Variants in PEX11B observed in about 807,000 individuals in gnomAD.
PEX11B encodes the protein peroxisomal biogenesis factor 11 beta, also known as peroxisomal membrane protein 11B.
PEX11B carries 18 observed loss-of-function variants against 28.2 expected under a neutral mutation model. The ratio of observed to expected loss-of-function variants is 0.64; its 90% CI spans 0.44 to 0.95. The LOEUF (loss-of-function observed/expected upper bound fraction) is 0.95, where lower values mean the gene tolerates loss of function less well. Among genes scored for constraint, PEX11B ranks in the 40% least tolerant of loss-of-function variants. The pLI, the probability that PEX11B is intolerant of heterozygous loss-of-function variation, is 0.00. For synonymous variants in PEX11B, 128 were observed against 128.7 expected (o/e 0.99, Z 0.04); for missense variants, 305 against 319.8 (o/e 0.95, Z 0.35).
In PEX11B at chr1:145,911,900, C is replaced by G; in HGVS notation, c.*261G>C. On this transcript the variant is annotated 3_prime_UTR_variant, in exon 4 of 4. Transcript: ENST00000369306. Reference sequence around the variant, plus strand: ...GAACCTTAAACAGAGTTAAGAGACACAAAGTAAATATATTCAAGAGAGACA... The same window carrying G: ...GAACCTTAAACAGAGTTAAGAGACAGAAAGTAAATATATTCAAGAGAGACA... 3.2e-6 allele frequency: 1 copy of G among 316,310 alleles called. No individual in the cohort carries two copies. The highest frequency in any genetic ancestry group is 5.8e-6 in the Non-Finnish European group (1 of 173,796). The allele number at this position is 316,310 out of a possible 1,614,324, so 19.6% of individuals were successfully genotyped here. A position where few individuals can be genotyped will look rare whatever the true frequency, so the allele number is the denominator to read the frequency against.
At chr1:145,918,243 G>A in intron 1 of PEX11B, 1 of 985,452 alleles carries the variant, frequency 1.0e-6, no homozygotes, top group Admixed American at 6.1e-5. Context: ...CGGAGGCAGG[G>A]GAGTTCCCGA....
chr1:145,911,354 T>C lies in PEX11B; in HGVS notation c.*807A>G, dbSNP rs1341019875. 2.0e-5 allele frequency: 3 copies of C among 152,300 alleles called. No individual in the cohort carries two copies. The highest frequency in any genetic ancestry group is 6.5e-5 in the Admixed American group (1 of 15,286). The allele number at this position is 152,300 out of a possible 1,614,324, so 9.4% of individuals were successfully genotyped here. A position where few individuals can be genotyped will look rare whatever the true frequency, so the allele number is the denominator to read the frequency against. On this transcript the variant is annotated 3_prime_UTR_variant, in exon 4 of 4. Transcript: ENST00000369306. ...AATGAGGGACCAGACCAAATGTCGA[T>C]GAGCAAACTGAACTTTAATTTGCTT...
rs201619050 is a variant in PEX11B, at chr1:145,914,383, A to AC, written c.375-1818_375-1817insG. Reference sequence around the variant, plus strand: ...AGCAAGACTCCATCTCAAAAAAAAAAAAAACCAAAAACAAATAAACAAACC... The same window carrying AC: ...AGCAAGACTCCATCTCAAAAAAAAAACAAAACCAAAAACAAATAAACAAACC... On this transcript the variant is annotated intron_variant, in intron 3 of 3. Coordinates refer to ENST00000369306, the MANE Select transcript of PEX11B (RefSeq NM_003846.3). Among the ~76,000 whole-genome samples, 315 of 151,888 alleles carry AC rather than the reference A, an allele frequency of 2.1e-3. 4 individuals carry two copies. The highest frequency in any genetic ancestry group is 7.4e-3 in the African/African-American group (305 of 41,398).
intron 2 of PEX11B, 96 bp from the exon 3 acceptor site, chr1:145,917,114 A>C (rs782434294): frequency 1.4e-5 from 11 of 804,936 alleles, no homozygotes; most frequent in Non-Finnish European, 2.2e-5. Flanking sequence ...AAAGTTGAGC[A>C]ATAATAATGA....
chr1:145,915,482 A>C (rs1255252987), intron 3 of PEX11B, among the ~76,000 whole-genome samples: 5 of 152,126 alleles, frequency 3.3e-5, no homozygotes, highest in African/African-American at 1.2e-4. Context: ...CAATACAGAT[A>C]ATATGTTAGA....
intron 3 of PEX11B, among the ~76,000 whole-genome samples, chr1:145,912,869 C>A (rs928684122): frequency 1.3e-4 from 20 of 152,092 alleles, no homozygotes; most frequent in Admixed American, 7.2e-4. Flanking sequence ...AGGTGGATCA[C>A]CTGAGGTCAG....
Position 145,916,779 on chromosome 1 carries a change from T to C in PEX11B, c.374+38A>G, listed in dbSNP as rs373582106. On this transcript the variant is annotated intron_variant, in intron 3 of 3. Coordinates refer to ENST00000369306, the MANE Select transcript of PEX11B (RefSeq NM_003846.3). ...AAGACAAGCTATGCAATATAGAGGCTACAAAAAAAAATCTTAAAGGAGAAC... is the reference window on the plus strand; with the variant it reads ...AAGACAAGCTATGCAATATAGAGGCCACAAAAAAAAATCTTAAAGGAGAAC... The C allele has an allele frequency of 4.8e-4, 696 of 1,450,826 alleles. 2 individuals carry two copies. Among genetic ancestry groups the C allele is most frequent in the Non-Finnish European group, 5.7e-4 (588 of 1,032,562 alleles). 89.9% of individuals were successfully genotyped at this position (1,450,826 alleles called of 1,614,324 possible).
At chr1:145,917,848 G>A in intron 1 of PEX11B, 32 bp from the exon 2 acceptor site, 1 of 1,518,698 alleles carries the variant, frequency 6.6e-7, no homozygotes, top group Non-Finnish European at 9.1e-7. Context: ...GTAAGGTGGA[G>A]ACCTCCCTAA....
At chr1:145,914,614 C>T (rs1647278633) in intron 3 of PEX11B, among the ~76,000 whole-genome samples, 1 of 152,158 alleles carries the variant, frequency 6.6e-6, no homozygotes, top group African/African-American at 2.4e-5. Context: ...TTTGCACTAC[C>T]TATTCCCTCT....
Position 145,918,632 on chromosome 1 carries a change from C to A in PEX11B, c.56+1G>T. The A allele has an allele frequency of 6.3e-7, 1 of 1,594,312 alleles. No individual in the cohort carries two copies. The highest frequency in any genetic ancestry group is 1.8e-5 in the Admixed American group (1 of 56,556). ...CACCCCCATTCCTATTCGGGCCGCA[C>A]CTACACAGCCGCTCCCGGGCTTGGC... On this transcript the variant is annotated splice_donor_variant, in intron 1 of 3. Coordinates refer to ENST00000369306, the MANE Select transcript of PEX11B (RefSeq NM_003846.3). LOFTEE classifies it high-confidence loss of function.
At position 145,911,646 on chromosome 1, in the gene PEX11B, T is replaced by A. The variant is rs782131947; in HGVS notation, c.*515A>T. 1 of 164,256 alleles carries A rather than the reference T, an allele frequency of 6.1e-6. No homozygotes were observed. The highest frequency in any genetic ancestry group is 1.4e-5 in the Non-Finnish European group (1 of 73,662). The allele number at this position is 164,256 out of a possible 1,614,324, so 10.2% of individuals were successfully genotyped here. On this transcript the variant is annotated 3_prime_UTR_variant, in exon 4 of 4. Coordinates refer to ENST00000369306, the MANE Select transcript of PEX11B (RefSeq NM_003846.3). Reference sequence around the variant, plus strand: ...AGAGGAAACATCCAACAACTTGTGGTGCAGAGATATAAGGGAAGAGTCCAC... The same window carrying A: ...AGAGGAAACATCCAACAACTTGTGGAGCAGAGATATAAGGGAAGAGTCCAC...
chr1:145,914,688 T>C (rs1647280349), intron 3 of PEX11B, among the ~76,000 whole-genome samples: 1 of 152,236 alleles, frequency 6.6e-6, no homozygotes, highest in Non-Finnish European at 1.5e-5. Context: ...AGCTAGCTCT[T>C]TCTTGCTCTT....
At chr1:145,915,262 T>G (rs1647315656) in intron 3 of PEX11B, among the ~76,000 whole-genome samples, 1 of 152,146 alleles carries the variant, frequency 6.6e-6, no homozygotes, top group South Asian at 2.1e-4. Context: ...TACCATATAG[T>G]AAGAGCTCAG....
At chr1:145,916,731 C>T (rs1647392817) in intron 3 of PEX11B, 86 bp downstream of exon 3, 1 of 935,414 alleles carries the variant, frequency 1.1e-6, no homozygotes. Context: ...CTGGAAAGAT[C>T]CTAAGATATC....
chr1:145,913,623 A>G (rs1553753513), intron 3 of PEX11B, among the ~76,000 whole-genome samples: 1 of 145,462 alleles, frequency 6.9e-6, no homozygotes, highest in East Asian at 1.9e-4. Context: ...ACACACACAC[A>G]CACACTCTCC....
At chr1:145,918,460 G>A (rs1479344172) in intron 1 of PEX11B, 173 bp downstream of exon 1, 2 of 1,536,192 alleles carry the variant, frequency 1.3e-6, no homozygotes, top group Non-Finnish European at 1.7e-6. Context: ...TCCGCGAACG[G>A]AAAGGAATCA....
At chr1:145,918,058 G>A (rs1647512464) in intron 1 of PEX11B, 1 of 984,772 alleles carries the variant, frequency 1.0e-6, no homozygotes, top group African/African-American at 1.7e-5. Context: ...ATTTGACAAT[G>A]ATGAGGCCTG....
intron 2 of PEX11B, among the ~76,000 whole-genome samples, chr1:145,917,246 C>T (rs1647436083): frequency 6.6e-6 from 1 of 152,084 alleles, no homozygotes; most frequent in Admixed American, 6.6e-5. Context: ...GCCTGGCCAA[C>T]ATGGTGTAAC....
At chr1:145,918,085 C>A in intron 1 of PEX11B, 1 of 985,410 alleles carries the variant, frequency 1.0e-6, no homozygotes, top group South Asian at 4.7e-5. Flanking sequence ...CCAGTGCAGG[C>A]CGCAGGGGTC....
Sources: allele counts gnomAD v4.1 joint callset (sites outside exome capture counted in the v4.1 genomes callset), GRCh38; gene constraint gnomAD v4.1.1; transcripts MANE v1.5; gene names NCBI Gene and HGNC (gene_info 2026-07-23, HGNC 2026-07-21).